The following TMEM164 variants were observed in gnomAD, a reference collection of about 807,000 sequenced individuals.
The protein encoded by TMEM164 is RP13-360B22.2.
A neutral mutation model predicts 18.8 loss-of-function variants in TMEM164; 4 were observed. That is an observed-to-expected ratio of 0.21 (90% CI 0.10 to 0.49). The LOEUF (loss-of-function observed/expected upper bound fraction) is 0.49. Among genes scored for constraint, TMEM164 ranks in the 20% least tolerant of loss-of-function variants. The pLI, the probability that TMEM164 is intolerant of heterozygous loss-of-function variation, is 0.98. For missense variants in TMEM164, 108 were observed against 239.9 expected (o/e 0.45, Z 3.63); for synonymous variants, 86 against 101.7 (o/e 0.85, Z 0.93).
At chrX:110,065,973 A>G (rs1936325188) in intron 2 of TMEM164, among the ~76,000 whole-genome samples, 1 of 112,226 alleles carries the variant, frequency 8.9e-6, no homozygotes, top group Non-Finnish European at 1.9e-5. Flanking sequence ...GTGGACCTGT[A>G]ATTATCATCG....
chrX:110,089,910 A>C (rs2065901668), intron 3 of TMEM164, among the ~76,000 whole-genome samples: 1 of 112,483 alleles, frequency 8.9e-6, no homozygotes, highest in South Asian at 3.6e-4. Context: ...CAGGAACTCA[A>C]TAATTGTTAG....
intron 3 of TMEM164, among the ~76,000 whole-genome samples, chrX:110,097,791 A>G (rs1032592194): frequency 3.6e-5 from 4 of 112,193 alleles, no homozygotes; most frequent in Non-Finnish European, 7.5e-5. Context: ...AAGTGTAAAG[A>G]AAAAACTAGG....
At chrX:110,037,964 A>G (rs1934893104) in intron 2 of TMEM164, among the ~76,000 whole-genome samples, 2 of 108,822 alleles carry the variant, frequency 1.8e-5, no homozygotes, top group African/African-American at 6.8e-5. Flanking sequence ...TCGTATTCCT[A>G]AAGAACAGCC....
chrX:110,075,456 T>C (rs1359238276), intron 3 of TMEM164, among the ~76,000 whole-genome samples: 7 of 111,387 alleles, frequency 6.3e-5, no homozygotes, highest in Admixed American at 1.9e-4. Flanking sequence ...TATTTATTCC[T>C]CTTGCCTGAT....
At chrX:110,169,207 C>T (rs928038164) in intron 5 of TMEM164, among the ~76,000 whole-genome samples, 1 of 111,768 alleles carries the variant, frequency 8.9e-6, no homozygotes, top group Non-Finnish European at 1.9e-5. Flanking sequence ...CTAAACTTGG[C>T]CTCATCATTT....
At chrX:110,180,970 T>C (rs1457767160), downstream of TMEM164, among the ~76,000 whole-genome samples, 2 of 111,879 alleles carry the variant, frequency 1.8e-5, no homozygotes, top group East Asian at 5.6e-4. Flanking sequence ...CCTTGGGCTC[T>C]CTAGTATTCT....
chrX:110,017,060 C>A (rs1418344179), intron 2 of TMEM164, among the ~76,000 whole-genome samples: 1 of 112,230 alleles, frequency 8.9e-6, no homozygotes, highest in Non-Finnish European at 1.9e-5. Context: ...GTTAAAATGG[C>A]AGAGTGATAC....
intron 2 of TMEM164, among the ~76,000 whole-genome samples, chrX:110,042,056 C>A (rs1419676183): frequency 9.0e-6 from 1 of 111,226 alleles, no homozygotes. Flanking sequence ...CCATTTTAAG[C>A]ATATTTAAGT....
chrX:110,032,631 A>G (rs1191187587), intron 2 of TMEM164, among the ~76,000 whole-genome samples: 1 of 111,985 alleles, frequency 8.9e-6, no homozygotes, highest in Non-Finnish European at 1.9e-5. Flanking sequence ...ATCTAGTACT[A>G]CCTCAAATAC....
chrX:110,161,784 C>T (rs1024983126), intron 5 of TMEM164, among the ~76,000 whole-genome samples: 3 of 112,091 alleles, frequency 2.7e-5, no homozygotes, highest in Admixed American at 1.9e-4. Context: ...CATCCTGAAG[C>T]GCTTGTTACT....
chrX:110,035,567 G>A (rs1162835295), intron 2 of TMEM164, among the ~76,000 whole-genome samples: 4 of 108,422 alleles, frequency 3.7e-5, no homozygotes, highest in African/African-American at 6.8e-5. Flanking sequence ...GCAGTGGCAC[G>A]ATCTCAGCTC....
At chrX:110,109,043 T>A in intron 3 of TMEM164, 37 bp from the exon 4 acceptor site, 1 of 1,182,908 alleles carries the variant, frequency 8.5e-7, no homozygotes, top group Non-Finnish European at 1.1e-6. Context: ...TATCAGGGTC[T>A]GAGTATGACC....
At chrX:110,080,002 A>G (rs1479720088) in intron 3 of TMEM164, among the ~76,000 whole-genome samples, 1 of 111,697 alleles carries the variant, frequency 9.0e-6, no homozygotes, top group Non-Finnish European at 1.9e-5. Flanking sequence ...AAAATGAGTT[A>G]TCCTGTAAAC....
intron 2 of TMEM164, among the ~76,000 whole-genome samples, chrX:110,016,553 A>G (rs1283559061): frequency 2.7e-5 from 3 of 112,530 alleles, no homozygotes; most frequent in African/African-American, 9.7e-5. Flanking sequence ...AACACTTGTA[A>G]CATTTTTGAA....
At chrX:110,083,924 C>T (rs1203290920) in intron 3 of TMEM164, among the ~76,000 whole-genome samples, 3 of 111,261 alleles carry the variant, frequency 2.7e-5, no homozygotes, top group Non-Finnish European at 3.8e-5. Flanking sequence ...ACACCAGCTC[C>T]CATATGATAA....
intron 4 of TMEM164, among the ~76,000 whole-genome samples, chrX:110,119,163 T>C (rs2066414340): frequency 8.9e-6 from 1 of 112,151 alleles, no homozygotes; most frequent in Non-Finnish European, 1.9e-5. Flanking sequence ...TAGAAAAGTA[T>C]AAATTTTAAA....
chrX:110,083,452 G>A (rs774715028), intron 3 of TMEM164, among the ~76,000 whole-genome samples: 6 of 110,645 alleles, frequency 5.4e-5, no homozygotes, highest in South Asian at 7.5e-4. Flanking sequence ...CCTTATATAT[G>A]CAACAGCTGG....
intron 2 of TMEM164, chrX:110,046,587 C>A: frequency 1.9e-6 from 1 of 531,601 alleles, no homozygotes; most frequent in Non-Finnish European, 2.3e-6. Flanking sequence ...GTTTGAGTTT[C>A]TCTTCTGGTG....
chrX:110,093,359 A>G (rs751573934), intron 3 of TMEM164, among the ~76,000 whole-genome samples: 99 of 111,734 alleles, frequency 8.9e-4, no homozygotes, highest in Non-Finnish European at 1.7e-3. Flanking sequence ...TATTGCCTCA[A>G]TTTCAGAGCC....
Sources: gnomAD v4.1 joint callset for allele counts (sites outside exome capture counted in the v4.1 genomes callset) on GRCh38, gnomAD v4.1.1 for gene constraint, MANE v1.5 for transcripts, NCBI Gene and HGNC (gene_info 2026-07-23, HGNC 2026-07-21) for gene names.